SMYD3: variants seen among roughly 807,000 people sequenced by gnomAD.
SMYD3 encodes the protein SET and MYND domain containing 3.
Under a neutral mutation model 57.7 loss-of-function variants are expected in SMYD3, and 36 were observed. The observed-to-expected ratio is 0.62, with a 90% CI of 0.48 to 0.82. SMYD3 has a LOEUF of 0.82. Ranked by LOEUF, SMYD3 falls within the 40% of genes least tolerant of loss-of-function variation. The probability of loss-of-function intolerance (pLI) is 0.00; values close to 1 mark genes in which losing one functional copy is unlikely to be tolerated. For synonymous variants in SMYD3, 211 were observed against 195.0 expected (o/e 1.08, Z -0.68); for missense variants, 515 against 538.8 (o/e 0.96, Z 0.44).
intron 5 of SMYD3, among the ~76,000 whole-genome samples, chr1:246,161,833 C>T (rs2062125546): frequency 6.6e-6 from 1 of 152,158 alleles, no homozygotes. Flanking sequence ...TCTCTCCAGA[C>T]CTTCATATGA....
At position 246,064,366 on chromosome 1, in the gene SMYD3, A is replaced by G. The variant is rs186180225; in HGVS notation, c.532-134429T>C. Among the ~76,000 whole-genome samples the G allele has an allele frequency of 4.6e-3, 697 of 152,312 alleles. 2 individuals are homozygous for G. Among genetic ancestry groups the G allele is most frequent in the Non-Finnish European group, 5.9e-3 (401 of 68,034 alleles). On this transcript the variant is annotated intron_variant, in intron 5 of 11. Transcript: ENST00000490107. ...CTCTCTGTTCTAGTCAAACTGAACT[A>G]TTAAATGCAGTTCTCAGAAAGCATG... is the stretch of plus-strand genomic sequence containing the variant.
chr1:246,478,921 C>T (rs1429795504), intron 1 of SMYD3, among the ~76,000 whole-genome samples: 2 of 143,298 alleles, frequency 1.4e-5, no homozygotes, highest in South Asian at 2.3e-4. Flanking sequence ...TATATGTACA[C>T]CTGTCCTCCG....
chr1:246,357,066 G>C lies in SMYD3; in HGVS notation c.165-1972C>G, dbSNP rs1051210856. 2.0e-5 allele frequency among the ~76,000 whole-genome samples: 3 copies of C among 152,214 alleles called. No individual in the cohort carries two copies. In the East Asian group the frequency reaches 5.8e-4, roughly 29 times the overall value. On this transcript the variant is annotated intron_variant, in intron 1 of 11. Coordinates refer to ENST00000490107, the MANE Select transcript of SMYD3 (RefSeq NM_001167740.2). ...AGCCTATAAAAGAAAACCTATCAGA[G>C]CAACAGCAGATTTCTGAGCAGAAAC... is the stretch of plus-strand genomic sequence containing the variant.
chr1:246,260,447 T>G lies in SMYD3; in HGVS notation c.531+66754A>C, dbSNP rs561212310. Among the ~76,000 whole-genome samples, 417 of 151,914 alleles carry G rather than the reference T, an allele frequency of 2.7e-3. 9 individuals carry two copies. The South Asian group carries it at 0.059, about 21-fold the overall frequency. On this transcript the variant is annotated intron_variant, in intron 5 of 11. Coordinates refer to ENST00000490107, the MANE Select transcript of SMYD3 (RefSeq NM_001167740.2). ...TTTTGTTGTTGTTGTTGTTGTTGTT[T>G]TTTGTTTGTTTGTTTCTTTTTTGAG...
At chr1:245,945,918 G>A (rs941124418) in intron 5 of SMYD3, among the ~76,000 whole-genome samples, 8 of 152,074 alleles carry the variant, frequency 5.3e-5, no homozygotes, top group South Asian at 2.1e-4. Context: ...CATTGAGAAC[G>A]CATGGACACA....
At chr1:246,089,539 A>G (rs1472350123) in intron 5 of SMYD3, among the ~76,000 whole-genome samples, 1 of 152,194 alleles carries the variant, frequency 6.6e-6, no homozygotes, top group Non-Finnish European at 1.5e-5. Context: ...TTGCTCCTTT[A>G]AGACCGTGAG....
chr1:246,093,162 G>A (rs193224043), intron 5 of SMYD3, among the ~76,000 whole-genome samples: 7 of 152,298 alleles, frequency 4.6e-5, no homozygotes, highest in African/African-American at 1.4e-4. Flanking sequence ...TCCTGTTGGT[G>A]AGAATGTAAA....
chr1:246,106,058 T>C (rs1388373831), intron 5 of SMYD3, among the ~76,000 whole-genome samples: 1 of 152,186 alleles, frequency 6.6e-6, no homozygotes, highest in Non-Finnish European at 1.5e-5. Flanking sequence ...AGCATGCCAG[T>C]TTTGCTTGAC....
intron 1 of SMYD3, among the ~76,000 whole-genome samples, chr1:246,488,308 G>T (rs1015093157): frequency 6.6e-6 from 1 of 152,178 alleles, no homozygotes; most frequent in Non-Finnish European, 1.5e-5. Context: ...ATACAGAAAG[G>T]TCAAGTTCAA....
At chr1:246,002,599 C>T (rs549681948) in intron 5 of SMYD3, among the ~76,000 whole-genome samples, 1 of 131,668 alleles carries the variant, frequency 7.6e-6, no homozygotes, top group African/African-American at 2.8e-5. Flanking sequence ...ATTACAGGCG[C>T]CCGCCACCAC....
intron 5 of SMYD3, among the ~76,000 whole-genome samples, chr1:246,101,106 G>T (rs3738058): frequency 0.024 from 2,599 of 110,514 alleles, 141 homozygotes; most frequent in South Asian, 0.18. Flanking sequence ...TTTTTACAGA[G>T]TAAGACGCTT....
chr1:246,341,453 A>G (rs897346206), intron 2 of SMYD3, among the ~76,000 whole-genome samples: 1 of 152,220 alleles, frequency 6.6e-6, no homozygotes, highest in African/African-American at 2.4e-5. Flanking sequence ...TATAGTACCA[A>G]TTAAGTACAC....
intron 1 of SMYD3, among the ~76,000 whole-genome samples, chr1:246,489,667 C>G (rs970735788): frequency 4.0e-5 from 6 of 151,062 alleles, no homozygotes; most frequent in African/African-American, 1.5e-4. Context: ...TTGTGTCATT[C>G]AGAGAGAGAG....
intron 5 of SMYD3, among the ~76,000 whole-genome samples, chr1:245,952,444 A>G (rs1407899382): frequency 1.3e-5 from 2 of 152,190 alleles, no homozygotes; most frequent in Non-Finnish European, 2.9e-5. Flanking sequence ...AAGCATAGGA[A>G]AAAAAATGAC....
chr1:246,035,542 C>T (rs909857394), intron 5 of SMYD3: 18 of 152,160 alleles, frequency 1.2e-4, no homozygotes, highest in African/African-American at 4.1e-4. Context: ...GTATCCGAAT[C>T]GCATTAATTG....
chr1:246,105,244 G>T (rs2061096754), intron 5 of SMYD3, among the ~76,000 whole-genome samples: 1 of 152,028 alleles, frequency 6.6e-6, no homozygotes, highest in Admixed American at 6.6e-5. Context: ...TGCACAGATG[G>T]GCCCTGGTGG....
chr1:245,813,596 C>T (rs562070320), intron 10 of SMYD3, among the ~76,000 whole-genome samples: 50 of 152,268 alleles, frequency 3.3e-4, no homozygotes, highest in Non-Finnish European at 5.9e-4. Context: ...AAAACCCTGT[C>T]TAACTAATCT....
At chr1:246,372,884 T>C (rs2066214682) in intron 1 of SMYD3, among the ~76,000 whole-genome samples, 1 of 152,144 alleles carries the variant, frequency 6.6e-6, no homozygotes, top group African/African-American at 2.4e-5. Flanking sequence ...CTCTCAAGTA[T>C]GAAATACAGA....
At chr1:245,966,826 ATCT>A (rs2058162673) in intron 5 of SMYD3, among the ~76,000 whole-genome samples, 1 of 152,042 alleles carries the variant, frequency 6.6e-6, no homozygotes, top group Admixed American at 6.5e-5. Context: ...ACAGGGGAGG[ATCT>A]GATGCAGTCT....
Sources: gnomAD v4.1 joint callset for allele counts (sites outside exome capture counted in the v4.1 genomes callset) on GRCh38, gnomAD v4.1.1 for gene constraint, MANE v1.5 for transcripts, NCBI Gene and HGNC (gene_info 2026-07-23, HGNC 2026-07-21) for gene names.